The following PMFBP1 variants were observed in gnomAD, a reference collection of about 807,000 sequenced individuals.
The protein encoded by PMFBP1 is polyamine-modulated factor 1-binding protein 1.
In PMFBP1, 131 loss-of-function variants were observed where a neutral mutation model predicts 137.8. The observed-to-expected ratio is 0.95, with a 90% CI of 0.82 to 1.10. PMFBP1 has a LOEUF of 1.10. Ranked by LOEUF, PMFBP1 falls within the 50% of genes least tolerant of loss-of-function variation. The pLI is 0.00. For synonymous variants in PMFBP1, 490 were observed against 450.4 expected (o/e 1.09, Z -1.11); for missense variants, 1,199 against 1,175.4 (o/e 1.02, Z -0.29).
chr16:72,174,869 A>G (rs913637461), upstream of PMFBP1, among the ~76,000 whole-genome samples: 3 of 152,176 alleles, frequency 2.0e-5, no homozygotes, highest in African/African-American at 4.8e-5. Flanking sequence ...TGGGATTACA[A>G]TTCAAGATGA....
Position 72,163,528 on chromosome 16 carries a change from C to A in PMFBP1, c.165+1236G>T, listed in dbSNP as rs567290121. Among the ~76,000 whole-genome samples, 6 of 152,268 alleles carry A rather than the reference C, an allele frequency of 3.9e-5. No homozygotes were observed. The South Asian group carries it at 1.2e-3, about 32-fold the overall frequency. The stretch of plus-strand genomic sequence containing the variant: ...GCTACTGAGTGTCTTCACTTGGGCA[C>A]CCCTGAAAGCAGGCTCTGTGACAAG... On this transcript the variant is annotated intron_variant, in intron 3 of 20. Coordinates refer to ENST00000237353, the MANE Select transcript of PMFBP1 (RefSeq NM_031293.3).
intron 3 of PMFBP1, 200 bp downstream of exon 3, chr16:72,164,564 A>C: frequency 1.6e-6 from 2 of 1,283,370 alleles, no homozygotes; most frequent in Admixed American, 4.0e-5. Context: ...ATAGATGGAA[A>C]AGTCCTGAAG....
chr16:72,209,433 G>T, the PMFBP1 span, among the ~76,000 whole-genome samples: 1 of 151,574 alleles, frequency 6.6e-6, no homozygotes, highest in Non-Finnish European at 1.5e-5. Context: ...ATCATATATA[G>T]TTATCTATAT....
chr16:72,156,643 G>T (rs2042986005), intron 3 of PMFBP1, among the ~76,000 whole-genome samples: 2 of 151,746 alleles, frequency 1.3e-5, no homozygotes, highest in South Asian at 4.2e-4. Context: ...ATCAGTATTT[G>T]ATTCCTTTTT....
At chr16:72,151,894 G>A (rs1284388358) in intron 4 of PMFBP1, among the ~76,000 whole-genome samples, 4 of 152,094 alleles carry the variant, frequency 2.6e-5, no homozygotes, top group African/African-American at 9.7e-5. Context: ...AACCAGAGAG[G>A]CAAGACAGGG....
the PMFBP1 span, among the ~76,000 whole-genome samples, chr16:72,198,433 CT>C: frequency 2.0e-5 from 3 of 152,196 alleles, no homozygotes; most frequent in Non-Finnish European, 4.4e-5. Flanking sequence ...TACTCACCCG[CT>C]TTACAGTTCT....
chr16:72,126,216 G>C, intron 14 of PMFBP1, 84 bp from the exon 15 acceptor site: 2 of 1,476,720 alleles, frequency 1.4e-6, no homozygotes, highest in Non-Finnish European at 1.8e-6. Flanking sequence ...ATGAACAAGA[G>C]CCAAGCTCTC....
the PMFBP1 span, among the ~76,000 whole-genome samples, chr16:72,238,469 C>A: frequency 3.3e-5 from 5 of 152,094 alleles, no homozygotes; most frequent in Non-Finnish European, 5.9e-5. Context: ...TTGAAAAGTG[C>A]CTGTTCACGT....
the PMFBP1 span, among the ~76,000 whole-genome samples, chr16:72,201,956 T>G: frequency 1.3e-5 from 2 of 152,370 alleles, no homozygotes; most frequent in Non-Finnish European, 1.5e-5. Context: ...TGTCCCATCC[T>G]GGAATTTTCA....
chr16:72,154,233 T>A lies in PMFBP1; in HGVS notation c.392A>T (p.His131Leu). Residue 131 changes from histidine (H) to leucine (L), a missense_variant, in exon 4 of 21, where the codon CAC becomes CTC. By Grantham distance (99) the His-to-Leu change is moderately conservative (BLOSUM62 -3). Coordinates refer to ENST00000237353, the MANE Select transcript of PMFBP1 (RefSeq NM_031293.3). ...QTSDLVLLHH[H>L]CKLKEDEVIL... ...TACCTCATCTTCTTTCAGTTTGCAG[T>A]GATGGTGCAGAAGAACCAGGTCGGA... 6.2e-7 allele frequency: 1 copy of A among 1,614,060 alleles called. No individual in the cohort carries two copies. The highest frequency in any genetic ancestry group is 1.7e-4 in the Middle Eastern group (1 of 6,050).
Position 72,124,712 on chromosome 16 carries a change from T to C in PMFBP1, c.2589+55A>G, listed in dbSNP as rs889189392. 36 of 1,580,758 alleles carry C rather than the reference T, an allele frequency of 2.3e-5. No individual in the cohort carries two copies. In the Admixed American group the frequency reaches 4.7e-4, roughly 21 times the overall value. On this transcript the variant is annotated intron_variant, in intron 17 of 20. Coordinates refer to ENST00000237353, the MANE Select transcript of PMFBP1 (RefSeq NM_031293.3). ...GGGCTGTCTGGCATTTGGGTGGTCA[T>C]AGGATGTGCCTGGAGGCACTGAGAG... is the stretch of plus-strand genomic sequence containing the variant.
At chr16:72,195,791 G>C in the PMFBP1 span, among the ~76,000 whole-genome samples, 6 of 152,250 alleles carry the variant, frequency 3.9e-5, no homozygotes, top group Non-Finnish European at 5.9e-5. Flanking sequence ...CCACACAAAG[G>C]CTGCGGCCTG....
chr16:72,169,466 T>C (rs2043190322), intron 2 of PMFBP1, among the ~76,000 whole-genome samples: 1 of 152,192 alleles, frequency 6.6e-6, no homozygotes, highest in Non-Finnish European at 1.5e-5. Flanking sequence ...TGGGTACTTA[T>C]ACAAGGTTTT....
At chr16:72,181,382 C>G (rs2144548170), upstream of PMFBP1, among the ~76,000 whole-genome samples, 1 of 152,200 alleles carries the variant, frequency 6.6e-6, no homozygotes, top group Non-Finnish European at 1.5e-5. Flanking sequence ...TCTTTTACCT[C>G]TTTTATTTTT....
chr16:72,243,301 A>G, the PMFBP1 span, among the ~76,000 whole-genome samples: 2 of 152,370 alleles, frequency 1.3e-5, no homozygotes, highest in Non-Finnish European at 2.9e-5. Context: ...ATGAGGCACC[A>G]AGTGAATGCA....
intron 3 of PMFBP1, among the ~76,000 whole-genome samples, chr16:72,156,288 CATA>C (rs1231456002): frequency 6.7e-6 from 1 of 148,264 alleles, no homozygotes. Context: ...TGCCTGGCTG[CATA>C]ATGTTTTTGA....
chr16:72,246,816 T>C, the PMFBP1 span, among the ~76,000 whole-genome samples: 10 of 152,084 alleles, frequency 6.6e-5, no homozygotes, highest in African/African-American at 2.4e-4. Context: ...GCATGGACCA[T>C]CTTATTTACT....
the PMFBP1 span, among the ~76,000 whole-genome samples, chr16:72,214,956 T>A: frequency 1.3e-5 from 2 of 152,142 alleles, no homozygotes; most frequent in Admixed American, 6.6e-5. Context: ...AATTTATAAA[T>A]TCCAGAAATA....
At chr16:72,179,591 T>C (rs1322547192), upstream of PMFBP1, among the ~76,000 whole-genome samples, 1 of 149,204 alleles carries the variant, frequency 6.7e-6, no homozygotes, top group African/African-American at 2.5e-5. Flanking sequence ...TGAAGTATTT[T>C]TGTTAAAAAA....
Sources: allele counts gnomAD v4.1 joint callset (sites outside exome capture counted in the v4.1 genomes callset), GRCh38; gene constraint gnomAD v4.1.1; transcripts MANE v1.5; gene names NCBI Gene and HGNC (gene_info 2026-07-23, HGNC 2026-07-21).